PRR16: variants seen among roughly 807,000 people sequenced by gnomAD.
PRR16 encodes proline rich 16, also known as protein Largen.
PRR16 carries 6 observed loss-of-function variants against 18.2 expected under a neutral mutation model. The ratio of observed to expected loss-of-function variants is 0.33; its 90% confidence interval spans 0.18 to 0.65. PRR16 has a LOEUF of 0.65. Among genes scored for constraint, PRR16 ranks in the 30% least tolerant of loss-of-function variants. PRR16 has a pLI of 0.74. For missense variants in PRR16, 412 were observed against 376.6 expected (o/e 1.09, Z -0.78); for synonymous variants, 151 against 147.8 (o/e 1.02, Z -0.16).
At position 120,493,933 on chromosome 5, in the gene PRR16, C is replaced by T. The variant is rs912769116; in HGVS notation, c.159+29288C>T. On this transcript the variant is annotated intron_variant, in intron 1 of 1. Coordinates refer to ENST00000407149, the MANE Select transcript of PRR16 (RefSeq NM_001300783.2). ...TACCATAGTTTGTTTAAACATTCAC[C>T]GGCTGAAGGACATTTGGGTTGTTTC... Among the ~76,000 whole-genome samples, 30 of 152,000 alleles carry T rather than the reference C, an allele frequency of 2.0e-4. 1 individual carries two copies. The highest frequency in any genetic ancestry group is 5.3e-4 in the African/African-American group (22 of 41,390).
intron 1 of PRR16, among the ~76,000 whole-genome samples, chr5:120,600,332 A>G (rs1413560121): frequency 6.6e-6 from 1 of 151,788 alleles, no homozygotes; most frequent in Non-Finnish European, 1.5e-5. Flanking sequence ...AACTGATACA[A>G]TATGTATACC....
chr5:120,625,301 G>A (rs1394001432), intron 1 of PRR16, among the ~76,000 whole-genome samples: 1 of 152,054 alleles, frequency 6.6e-6, no homozygotes, highest in African/African-American at 2.4e-5. Context: ...TGACTGTGCG[G>A]TAGTGGTCAG....
rs556556685 is a variant in PRR16 at position 120,630,645 on chromosome 5, A to AT, written c.160-55304dup. Among the ~76,000 whole-genome samples the AT allele has an allele frequency of 8.4e-4, 127 of 151,702 alleles. 1 individual carries two copies. The highest frequency in any genetic ancestry group is 3.0e-3 in the African/African-American group (122 of 41,334). ...TCTTCTACCTTGAATAGATATATTT[A>AT]TTTTTCCTGCCTACCCGCTAACAGA... On this transcript the variant is annotated intron_variant, in intron 1 of 1. Coordinates refer to ENST00000407149, the MANE Select transcript of PRR16 (RefSeq NM_001300783.2).
intron 1 of PRR16, among the ~76,000 whole-genome samples, chr5:120,605,237 T>C (rs1754117168): frequency 6.6e-6 from 1 of 152,248 alleles, no homozygotes; most frequent in Non-Finnish European, 1.5e-5. Flanking sequence ...TGGAGGTTTG[T>C]TCATTTCAAA....
intron 1 of PRR16, among the ~76,000 whole-genome samples, chr5:120,527,941 G>A (rs1346217281): frequency 6.6e-6 from 1 of 152,170 alleles, no homozygotes; most frequent in Non-Finnish European, 1.5e-5. Flanking sequence ...ACAATATGAA[G>A]AGGTGAAGGG....
At chr5:120,580,668 G>T (rs530773098) in intron 1 of PRR16, among the ~76,000 whole-genome samples, 2 of 152,062 alleles carry the variant, frequency 1.3e-5, no homozygotes, top group Admixed American at 1.3e-4. Flanking sequence ...TGTTAGCCAG[G>T]ATGGTCTTGA....
At chr5:120,764,975 T>C in the PRR16 span, among the ~76,000 whole-genome samples, 1 of 149,968 alleles carries the variant, frequency 6.7e-6, no homozygotes. Flanking sequence ...GGAATAACCA[T>C]GACTGCAAAA....
chr5:120,491,883 A>T (rs2112828630), intron 1 of PRR16, among the ~76,000 whole-genome samples: 1 of 152,186 alleles, frequency 6.6e-6, no homozygotes, highest in East Asian at 1.9e-4. Context: ...TTCATTTTTT[A>T]AAACTATCTC....
At chr5:120,705,595 TA>T in the PRR16 span, among the ~76,000 whole-genome samples, 1 of 152,136 alleles carries the variant, frequency 6.6e-6, no homozygotes, top group Admixed American at 6.5e-5. Context: ...TAACAAAATT[TA>T]AATTTTTATT....
At chr5:120,572,480 A>T (rs2112738027) in intron 1 of PRR16, among the ~76,000 whole-genome samples, 1 of 152,296 alleles carries the variant, frequency 6.6e-6, no homozygotes, top group Non-Finnish European at 1.5e-5. Flanking sequence ...TGAAAATCAG[A>T]CATTTCATTT....
At chr5:120,652,294 T>C (rs1755818985) in intron 1 of PRR16, among the ~76,000 whole-genome samples, 1 of 152,104 alleles carries the variant, frequency 6.6e-6, no homozygotes, top group South Asian at 2.1e-4. Context: ...GGTAAATGTT[T>C]GTTTCCTGTA....
chr5:120,522,540 T>C (rs2112654442), intron 1 of PRR16, among the ~76,000 whole-genome samples: 1 of 152,316 alleles, frequency 6.6e-6, no homozygotes, highest in African/African-American at 2.4e-5. Flanking sequence ...TTCTTGTAAA[T>C]TTGTTAAAGT....
intron 1 of PRR16, among the ~76,000 whole-genome samples, chr5:120,653,834 A>T (rs1257849522): frequency 6.6e-6 from 1 of 152,022 alleles, no homozygotes; most frequent in Non-Finnish European, 1.5e-5. Flanking sequence ...ACACATCAAA[A>T]TGACCTTTTA....
chr5:120,752,928 G>T, the PRR16 span, among the ~76,000 whole-genome samples: 435 of 151,880 alleles, frequency 2.9e-3, 5 homozygotes, highest in Non-Finnish European at 4.8e-3. Flanking sequence ...AACAATGTAA[G>T]ACTTTTTCAT....
At chr5:120,648,155 A>G (rs1755657559) in intron 1 of PRR16, among the ~76,000 whole-genome samples, 2 of 152,136 alleles carry the variant, frequency 1.3e-5, no homozygotes, top group South Asian at 2.1e-4. Context: ...AGGATGTTAT[A>G]CGTTGTAGTC....
At chr5:120,504,412 A>G (rs1180764179) in intron 1 of PRR16, among the ~76,000 whole-genome samples, 1 of 152,200 alleles carries the variant, frequency 6.6e-6, no homozygotes, top group Non-Finnish European at 1.5e-5. Flanking sequence ...GTGTTTCTTA[A>G]ACATGGAGCT....
intron 1 of PRR16, among the ~76,000 whole-genome samples, chr5:120,503,252 C>A (rs1482360046): frequency 1.3e-5 from 2 of 151,962 alleles, no homozygotes; most frequent in African/African-American, 4.8e-5. Flanking sequence ...GGAAAAGGAG[C>A]AAAATTGTAG....
the PRR16 span, among the ~76,000 whole-genome samples, chr5:120,746,933 A>G: frequency 1.3e-5 from 2 of 152,214 alleles, no homozygotes; most frequent in Non-Finnish European, 2.9e-5. Context: ...ATTGGATAAA[A>G]TCATCTTTCT....
chr5:120,638,332 A>G (rs1268700213), intron 1 of PRR16, among the ~76,000 whole-genome samples: 2 of 152,128 alleles, frequency 1.3e-5, no homozygotes, highest in Non-Finnish European at 2.9e-5. Flanking sequence ...TCATGCATTC[A>G]GTTATTAGTA....
Sources: allele counts gnomAD v4.1 joint callset (sites outside exome capture counted in the v4.1 genomes callset), GRCh38; gene constraint gnomAD v4.1.1; transcripts MANE v1.5; gene names NCBI Gene and HGNC (gene_info 2026-07-23, HGNC 2026-07-21).